Variants in ST8SIA4 observed in about 807,000 individuals in gnomAD.
ST8SIA4 encodes ST8 alpha-N-acetyl-neuraminide alpha-2,8-sialyltransferase 4.
ST8SIA4 carries 15 observed loss-of-function variants against 33.9 expected under a neutral mutation model. The ratio of observed to expected loss-of-function variants is 0.44; its 90% confidence interval spans 0.30 to 0.68. The LOEUF (loss-of-function observed/expected upper bound fraction) is 0.68. ST8SIA4 is among the 30% of genes least tolerant of loss of function. The pLI is 0.10. For synonymous variants in ST8SIA4, 171 were observed against 151.2 expected (o/e 1.13, Z -0.96); for missense variants, 321 against 428.0 (o/e 0.75, Z 2.21).
intron 1 of ST8SIA4, among the ~76,000 whole-genome samples, chr5:100,897,478 T>C (rs1752804072): frequency 6.6e-6 from 1 of 152,200 alleles, no homozygotes; most frequent in African/African-American, 2.4e-5. Flanking sequence ...TTACATCGCC[T>C]TTTACTTCTT....
chr5:100,807,117 C>T lies in ST8SIA4; in HGVS notation c.*4730G>A, dbSNP rs1169300110. 6.6e-6 allele frequency: 1 copy of T among 151,936 alleles called. No individual in the cohort carries two copies. Among genetic ancestry groups the T allele is most frequent in the Admixed American group, 6.5e-5 (1 of 15,272 alleles). 9.4% of individuals were successfully genotyped at this position (151,936 alleles called of 1,614,324 possible). ...CTAAGGGGAGTGGAAAAGCAAAGCA[C>T]AAGCCAAAGCTTGTTAAAAATGATC... On this transcript the variant is annotated 3_prime_UTR_variant, in exon 5 of 5. Coordinates refer to ENST00000231461, the MANE Select transcript of ST8SIA4 (RefSeq NM_005668.6).
intron 3 of ST8SIA4, among the ~76,000 whole-genome samples, chr5:100,870,937 T>A (rs17160732): frequency 0.082 from 12,513 of 152,042 alleles, 1,065 homozygotes; most frequent in African/African-American, 0.2. Flanking sequence ...GGAGAAAATG[T>A]GTGTAGCAAA....
intron 4 of ST8SIA4, among the ~76,000 whole-genome samples, chr5:100,841,530 GA>G (rs1004198663): frequency 2.6e-5 from 4 of 151,878 alleles, no homozygotes; most frequent in Non-Finnish European, 4.4e-5. Context: ...TTAAACACTA[GA>G]AAATTCTGTA....
chr5:100,825,685 G>T (rs1226411183), intron 4 of ST8SIA4, among the ~76,000 whole-genome samples: 2 of 152,104 alleles, frequency 1.3e-5, no homozygotes, highest in African/African-American at 4.8e-5. Flanking sequence ...TTTAGGTCTG[G>T]CCACTGGCTA....
At chr5:100,901,157 G>C (rs1378713704) in intron 1 of ST8SIA4, among the ~76,000 whole-genome samples, 1 of 152,196 alleles carries the variant, frequency 6.6e-6, no homozygotes, top group Non-Finnish European at 1.5e-5. Context: ...TCCCCGCAGG[G>C]ACTCGAGGTG....
At chr5:100,822,386 A>G (rs1462650311) in intron 4 of ST8SIA4, among the ~76,000 whole-genome samples, 1 of 152,248 alleles carries the variant, frequency 6.6e-6, no homozygotes, top group African/African-American at 2.4e-5. Context: ...TAATGTTCCT[A>G]TTGAACAACT....
chr5:100,874,906 CATCT>C (rs746667454), intron 3 of ST8SIA4, among the ~76,000 whole-genome samples: 2 of 152,094 alleles, frequency 1.3e-5, no homozygotes, highest in Non-Finnish European at 2.9e-5. Context: ...CTCTGTTTAT[CATCT>C]ATCTATCTCT....
In ST8SIA4 at chr5:100,809,358, G is replaced by C; in HGVS notation, c.*2489C>G. On this transcript the variant is annotated 3_prime_UTR_variant, in exon 5 of 5. Coordinates refer to ENST00000231461, the MANE Select transcript of ST8SIA4 (RefSeq NM_005668.6). The stretch of plus-strand genomic sequence containing the variant: ...CCAGCTACTTGGGAGGCTGAGGCAC[G>C]AGAATCACTTGAACCCAGGAGGTGG... 6.7e-6 allele frequency: 1 copy of C among 149,868 alleles called. No homozygotes were observed. The highest frequency in any genetic ancestry group is 2.0e-4 in the East Asian group (1 of 5,086). The allele number at this position is 149,868 out of a possible 1,614,324, so 9.3% of individuals were successfully genotyped here. A position where few individuals can be genotyped will look rare whatever the true frequency, so the allele number is the denominator to read the frequency against.
intron 4 of ST8SIA4, among the ~76,000 whole-genome samples, chr5:100,845,026 C>T (rs567831515): frequency 1.4e-3 from 217 of 152,132 alleles, no homozygotes; most frequent in Non-Finnish European, 2.3e-3. Flanking sequence ...AAGTCTTTTG[C>T]CTTATTCTCT....
At position 100,807,628 on chromosome 5, in the gene ST8SIA4, C is replaced by T. The variant is rs1270127727; in HGVS notation, c.*4219G>A. 6.6e-6 allele frequency: 1 copy of T among 152,404 alleles called. No individual in the cohort carries two copies. The highest frequency in any genetic ancestry group is 1.5e-5 in the Non-Finnish European group (1 of 67,954). The allele number at this position is 152,404 out of a possible 1,614,324, so 9.4% of individuals were successfully genotyped here. On this transcript the variant is annotated 3_prime_UTR_variant, in exon 5 of 5. Coordinates refer to ENST00000231461, the MANE Select transcript of ST8SIA4 (RefSeq NM_005668.6). ...TTACTGTAACTCTACGTATGAACGA[C>T]ATAGAATTCAGTTATAAAGTAGATA...
chr5:100,817,343 T>A (rs1254013479), intron 4 of ST8SIA4, among the ~76,000 whole-genome samples: 11 of 152,054 alleles, frequency 7.2e-5, no homozygotes, highest in Non-Finnish European at 1.6e-4. Flanking sequence ...CCCAGAAACC[T>A]AATAGAGACC....
intron 3 of ST8SIA4, among the ~76,000 whole-genome samples, chr5:100,857,380 ATT>A (rs569960309): frequency 6.7e-6 from 1 of 148,494 alleles, no homozygotes; most frequent in East Asian, 2.0e-4. Flanking sequence ...AAATAGCTTC[ATT>A]TTTTTTTTTA....
At chr5:100,878,749 A>T (rs902956202) in intron 3 of ST8SIA4, among the ~76,000 whole-genome samples, 2 of 152,214 alleles carry the variant, frequency 1.3e-5, no homozygotes, top group Non-Finnish European at 2.9e-5. Context: ...AACTCAAAGG[A>T]ATGAATTTCT....
chr5:100,880,218 A>G (rs984313085), intron 3 of ST8SIA4, among the ~76,000 whole-genome samples: 1 of 152,174 alleles, frequency 6.6e-6, no homozygotes, highest in Non-Finnish European at 1.5e-5. Context: ...TCTGAGATTA[A>G]AAAAGGGATA....
chr5:100,847,299 T>C (rs1751590578), intron 4 of ST8SIA4, among the ~76,000 whole-genome samples: 1 of 152,080 alleles, frequency 6.6e-6, no homozygotes, highest in Non-Finnish European at 1.5e-5. Context: ...TGACTTGAGT[T>C]GATTGAATAC....
Position 100,813,356 on chromosome 5 carries a change from C to T in ST8SIA4, c.798-1227G>A, listed in dbSNP as rs191688883. Among the ~76,000 whole-genome samples the T allele has an allele frequency of 2.3e-4, 35 of 152,110 alleles. No individual in the cohort carries two copies. In the East Asian group the frequency reaches 6.5e-3, roughly 28 times the overall value. On this transcript the variant is annotated intron_variant, in intron 4 of 4. Transcript: ENST00000231461. ...TTTTGTCTTTCATTTTCTCCCTTCTCTGAATCAGGATTGGCCTCACACATA... is the reference window on the plus strand; with the variant it reads ...TTTTGTCTTTCATTTTCTCCCTTCTTTGAATCAGGATTGGCCTCACACATA...
intron 4 of ST8SIA4, among the ~76,000 whole-genome samples, chr5:100,818,936 T>C (rs1169141831): frequency 6.6e-6 from 1 of 152,190 alleles, no homozygotes. Context: ...TATCTGTCTA[T>C]GCACATTGTC....
chr5:100,833,616 T>C (rs998381823), intron 4 of ST8SIA4, among the ~76,000 whole-genome samples: 1 of 152,148 alleles, frequency 6.6e-6, no homozygotes, highest in Non-Finnish European at 1.5e-5. Flanking sequence ...TCAAAAGGGT[T>C]GTTTACATAG....
chr5:100,889,485 T>C (rs1040244525), intron 2 of ST8SIA4, among the ~76,000 whole-genome samples: 3 of 151,934 alleles, frequency 2.0e-5, no homozygotes, highest in African/African-American at 7.2e-5. Flanking sequence ...ACTCTGTAGC[T>C]TGGAAATCCA....
Sources: allele counts gnomAD v4.1 joint callset (sites outside exome capture counted in the v4.1 genomes callset), GRCh38; gene constraint gnomAD v4.1.1; transcripts MANE v1.5; gene names NCBI Gene and HGNC (gene_info 2026-07-23, HGNC 2026-07-21).